Variants in GPR176 observed in about 807,000 individuals in gnomAD.
GPR176 encodes G-protein coupled receptor 176.
GPR176 carries 26 observed loss-of-function variants against 35.4 expected under a neutral mutation model. The observed-to-expected ratio is 0.74, with a 90% CI of 0.54 to 1.02. The LOEUF (loss-of-function observed/expected upper bound fraction) is 1.02, where lower values mean the gene tolerates loss of function less well. Among genes scored for constraint, GPR176 ranks in the 50% least tolerant of loss-of-function variants. GPR176 has a pLI of 0.00. For synonymous variants in GPR176, 278 were observed against 271.3 expected (o/e 1.02, Z -0.24); for missense variants, 597 against 665.3 (o/e 0.90, Z 1.13).
intron 1 of GPR176, among the ~76,000 whole-genome samples, chr15:39,890,650 A>C (rs150764559): frequency 6.6e-6 from 1 of 152,302 alleles, no homozygotes; most frequent in Non-Finnish European, 1.5e-5. Context: ...ATATTCATTC[A>C]TTCTAGCTAC....
Position 39,895,017 on chromosome 15 carries a change from T to C in GPR176, c.172+24838A>G, listed in dbSNP as rs536366382. ...GCCGAGGCTGGCGGATCACTTGCAG[T>C]TAGGGGTTGGAGACCGGCCTGGCCA... On this transcript the variant is annotated intron_variant, in intron 1 of 2. Transcript: ENST00000561100. Among the ~76,000 whole-genome samples, 90 of 152,316 alleles carry C rather than the reference T, an allele frequency of 5.9e-4. No homozygotes were observed. The South Asian group carries it at 0.015, about 26-fold the overall frequency.
At chr15:39,876,301 G>A (rs867235792) in intron 1 of GPR176, among the ~76,000 whole-genome samples, 2 of 152,152 alleles carry the variant, frequency 1.3e-5, no homozygotes, top group African/African-American at 2.4e-5. Flanking sequence ...TAGTAAACAT[G>A]TGAAATAAAT....
chr15:39,840,646 AG>A (rs1200997834), intron 1 of GPR176, among the ~76,000 whole-genome samples: 1 of 152,188 alleles, frequency 6.6e-6, no homozygotes, highest in Non-Finnish European at 1.5e-5. Flanking sequence ...ATAAAAAAGA[AG>A]GGTAGTAAGA....
chr15:39,878,816 T>C (rs966347108), intron 1 of GPR176, among the ~76,000 whole-genome samples: 1 of 152,218 alleles, frequency 6.6e-6, no homozygotes, highest in Non-Finnish European at 1.5e-5. Context: ...CTCACTATTA[T>C]TCTAAAGAAG....
intron 1 of GPR176, among the ~76,000 whole-genome samples, chr15:39,908,799 T>C (rs1260473885): frequency 6.6e-6 from 1 of 152,224 alleles, no homozygotes; most frequent in African/African-American, 2.4e-5. Context: ...GCAACATCTC[T>C]ATATCAAGGA....
rs1186132165 is a variant in GPR176 at position 39,820,309 on chromosome 15, A to T, written c.173-13051T>A. 8.2e-5 allele frequency among the ~76,000 whole-genome samples: 12 copies of T among 146,564 alleles called. No individual in the cohort carries two copies. In the Admixed American group the frequency reaches 8.3e-4, roughly 10 times the overall value. On this transcript the variant is annotated intron_variant, in intron 1 of 2. Transcript: ENST00000561100. ...CTGGAAGGAAGTGATGGATCATCGA[A>T]GGTCACAGCAAGGTCAAGAATAGAA... is the stretch of plus-strand genomic sequence containing the variant.
intron 1 of GPR176, among the ~76,000 whole-genome samples, chr15:39,913,811 C>T (rs886218287): frequency 6.6e-6 from 1 of 152,138 alleles, no homozygotes; most frequent in Admixed American, 6.6e-5. Context: ...CTTTGGGAGG[C>T]CAAGGCAGGC....
rs1702575323 is a variant in GPR176 at position 39,800,200 on chromosome 15, T to A, written c.*932A>T. ...TACCTTTTAATTCCTAAAGTTTGCA[T>A]AAGATGATTTTTTCAATATATTTGA... On this transcript the variant is annotated 3_prime_UTR_variant, in exon 3 of 3. Transcript: ENST00000561100. 6.6e-6 allele frequency: 1 copy of A among 152,192 alleles called. No homozygotes were observed. The highest frequency in any genetic ancestry group is 2.4e-5 in the African/African-American group (1 of 41,438). 9.4% of individuals were successfully genotyped at this position (152,192 alleles called of 1,614,324 possible). A position where few individuals can be genotyped will look rare whatever the true frequency, so the allele number is the denominator to read the frequency against.
At chr15:39,812,749 T>TA (rs1049130535) in intron 1 of GPR176, among the ~76,000 whole-genome samples, 1 of 145,388 alleles carries the variant, frequency 6.9e-6, no homozygotes, top group African/African-American at 2.8e-5. Flanking sequence ...AGCTTTATTT[T>TA]TTTTTTTTTT....
intron 1 of GPR176, among the ~76,000 whole-genome samples, chr15:39,887,894 AAAG>A (rs1285489721): frequency 3.3e-5 from 5 of 152,212 alleles, no homozygotes; most frequent in Admixed American, 2.0e-4. Context: ...TGCAGATATA[AAAG>A]AAGCTCTCTG....
At chr15:39,828,622 T>C (rs1900845152) in intron 1 of GPR176, among the ~76,000 whole-genome samples, 1 of 152,166 alleles carries the variant, frequency 6.6e-6, no homozygotes, top group Non-Finnish European at 1.5e-5. Context: ...TTTCTTTTGA[T>C]TCACTCAGGG....
chr15:39,882,121 C>G (rs939465072), intron 1 of GPR176, among the ~76,000 whole-genome samples: 2 of 152,070 alleles, frequency 1.3e-5, no homozygotes, highest in Non-Finnish European at 1.5e-5. Context: ...CAGAAAGAGA[C>G]CAAAACTACA....
intron 1 of GPR176, among the ~76,000 whole-genome samples, chr15:39,864,601 C>A (rs2031749559): frequency 6.6e-6 from 1 of 151,876 alleles, no homozygotes; most frequent in Non-Finnish European, 1.5e-5. Context: ...AAAAAGGAAA[C>A]CTAGGAAAAA....
chr15:39,894,766 T>C (rs1224487485), intron 1 of GPR176, among the ~76,000 whole-genome samples: 2 of 144,006 alleles, frequency 1.4e-5, no homozygotes, highest in Non-Finnish European at 1.5e-5. Flanking sequence ...GCTCCTCACA[T>C]CCCAGATGAT....
intron 1 of GPR176, among the ~76,000 whole-genome samples, chr15:39,885,537 C>T (rs1344525273): frequency 1.3e-5 from 2 of 152,174 alleles, no homozygotes; most frequent in African/African-American, 4.8e-5. Flanking sequence ...TTACAACACA[C>T]CTGCTCTCAC....
intron 1 of GPR176, among the ~76,000 whole-genome samples, chr15:39,860,303 A>T (rs561403807): frequency 3.0e-4 from 45 of 152,382 alleles, no homozygotes; most frequent in Admixed American, 1.1e-3. Flanking sequence ...TAGCCAAGAA[A>T]CAGCTTCTCT....
chr15:39,876,979 T>C (rs1387343131), intron 1 of GPR176, among the ~76,000 whole-genome samples: 1 of 152,220 alleles, frequency 6.6e-6, no homozygotes, highest in Non-Finnish European at 1.5e-5. Flanking sequence ...ATAAGGTTAC[T>C]TCTTCAACTC....
intron 1 of GPR176, among the ~76,000 whole-genome samples, chr15:39,886,034 G>GA (rs1004269982): frequency 3.3e-5 from 5 of 152,148 alleles, no homozygotes; most frequent in Non-Finnish European, 7.3e-5. Context: ...GGGAGTTTGA[G>GA]ATGAGACTCA....
intron 1 of GPR176, among the ~76,000 whole-genome samples, chr15:39,908,564 C>CT (rs1325467761): frequency 1.5e-5 from 2 of 133,346 alleles, no homozygotes; most frequent in Admixed American, 7.5e-5. Context: ...TTTTTTTTTT[C>CT]TTTTTTTTGT....
Sources: allele counts gnomAD v4.1 joint callset (sites outside exome capture counted in the v4.1 genomes callset), GRCh38; gene constraint gnomAD v4.1.1; transcripts MANE v1.5; gene names NCBI Gene and HGNC (gene_info 2026-07-23, HGNC 2026-07-21).